FNIP1: variants seen among roughly 807,000 people sequenced by gnomAD.
FNIP1 encodes the protein folliculin interacting protein 1.
Under a neutral mutation model 124.5 loss-of-function variants are expected in FNIP1, and 40 were observed. The observed-to-expected ratio is 0.32, with a 90% CI of 0.25 to 0.42. The LOEUF is 0.42. Ranked by LOEUF, FNIP1 falls within the 10% of genes least tolerant of loss-of-function variation. FNIP1 has a pLI of 1.00. For missense variants in FNIP1, 1,176 were observed against 1,403.7 expected (o/e 0.84, Z 2.59); for synonymous variants, 472 against 470.6 (o/e 1.00, Z -0.04).
intron 3 of FNIP1, among the ~76,000 whole-genome samples, chr5:131,724,785 T>C (rs904910290): frequency 5.3e-5 from 8 of 151,124 alleles, no homozygotes; most frequent in Admixed American, 4.0e-4. Context: ...TATGCCTATG[T>C]CCTGAATGGT....
intron 4 of FNIP1, 59 bp downstream of exon 4, chr5:131,719,258 A>T (rs1769574838): frequency 1.7e-5 from 26 of 1,509,956 alleles, no homozygotes; most frequent in Non-Finnish European, 2.3e-5. Flanking sequence ...AATTCTCTCT[A>T]AAAAAACGAA....
intron 15 of FNIP1, among the ~76,000 whole-genome samples, chr5:131,652,563 G>C (rs138599132): frequency 6.6e-6 from 1 of 151,994 alleles, no homozygotes. Context: ...CCATGGTCTC[G>C]ATCTCCTAAC....
chr5:131,693,597 A>G (rs1170478289), intron 11 of FNIP1, among the ~76,000 whole-genome samples: 2 of 151,998 alleles, frequency 1.3e-5, no homozygotes, highest in Non-Finnish European at 2.9e-5. Context: ...GATCATAGTC[A>G]TAAGCATAAA....
chr5:131,652,808 T>TA (rs1767080105), intron 15 of FNIP1, among the ~76,000 whole-genome samples: 1 of 151,750 alleles, frequency 6.6e-6, no homozygotes, highest in Non-Finnish European at 1.5e-5. Context: ...CAAAAAAATC[T>TA]AAAAAATCAG....
Position 131,651,866 on chromosome 5 carries a change from C to T in FNIP1, c.3242G>A (p.Ser1081Asn). The T allele has an allele frequency of 6.2e-7, 1 of 1,614,144 alleles. No homozygotes were observed. Among genetic ancestry groups the T allele is most frequent in the Non-Finnish European group, 8.5e-7 (1 of 1,180,036 alleles). Residue 1081 changes from serine (S) to asparagine (N), a missense_variant, in exon 16 of 18, where the codon AGT becomes AAT. Transcript: ENST00000510461. Reference protein sequence around the residue: ...NKLGKEVLVSSLVSNLLHSTL... With the variant: ...NKLGKEVLVSNLVSNLLHSTL... Reference sequence around the variant, plus strand: ...GGAATGAAGCAGATTGGAAACAAGACTGGAAACCAATACTTCCTTTCCCAA... The same window carrying T: ...GGAATGAAGCAGATTGGAAACAAGATTGGAAACCAATACTTCCTTTCCCAA...
chr5:131,678,797 T>C (rs1314519616), intron 12 of FNIP1, among the ~76,000 whole-genome samples: 1 of 152,236 alleles, frequency 6.6e-6, no homozygotes, highest in Non-Finnish European at 1.5e-5. Flanking sequence ...CAGATAATTC[T>C]ACAATATGTC....
Position 131,796,985 on chromosome 5 carries a change from GC to G in FNIP1, c.-65del. On this transcript the variant is annotated 5_prime_UTR_variant, in exon 1 of 18. The change abolishes the stop of an existing upstream ORF in the 5' untranslated region. Coordinates refer to ENST00000510461, the MANE Select transcript of FNIP1 (RefSeq NM_133372.3). ...TTGCTAGGCCCCTGCTCCTACAGCC[GC>G]CCCGCCACCCCCATGGGCGCCTCAG... 7.0e-7 allele frequency: 1 copy of G among 1,424,806 alleles called. No individual in the cohort carries two copies. Among genetic ancestry groups the G allele is most frequent in the Non-Finnish European group, 9.6e-7 (1 of 1,043,168 alleles). The allele number at this position is 1,424,806 out of a possible 1,614,324, so 88.3% of individuals were successfully genotyped here.
intron 16 of FNIP1, among the ~76,000 whole-genome samples, chr5:131,647,532 A>G (rs1433999969): frequency 6.6e-6 from 1 of 151,760 alleles, no homozygotes; most frequent in African/African-American, 2.4e-5. Context: ...TGGAGTGCAA[A>G]GCGCGACCAC....
intron 1 of FNIP1, among the ~76,000 whole-genome samples, chr5:131,789,670 G>A (rs533108285): frequency 1.3e-5 from 2 of 151,964 alleles, no homozygotes; most frequent in Admixed American, 6.6e-5. Flanking sequence ...CTCATTTCAC[G>A]AGACCTGTCA....
intron 1 of FNIP1, among the ~76,000 whole-genome samples, chr5:131,758,693 C>A (rs1771128425): frequency 6.6e-6 from 1 of 152,088 alleles, no homozygotes; most frequent in African/African-American, 2.4e-5. Flanking sequence ...TTATCTGACA[C>A]CTTCAAAGAA....
chr5:131,764,618 G>GT (rs1371600325), intron 1 of FNIP1, among the ~76,000 whole-genome samples: 2 of 151,986 alleles, frequency 1.3e-5, no homozygotes, highest in Non-Finnish European at 1.5e-5. Flanking sequence ...CCTATTTAAT[G>GT]TTTTTTAAAA....
chr5:131,669,850 GCAACGATGTCCATGGT>G (rs900043642), intron 15 of FNIP1, among the ~76,000 whole-genome samples: 3 of 150,526 alleles, frequency 2.0e-5, no homozygotes, highest in Non-Finnish European at 4.4e-5. Flanking sequence ...CAGGAATAAG[GCAACGATGTCCATGGT>G]CACCACTTCC....
chr5:131,769,416 T>G (rs1174215861), intron 1 of FNIP1, among the ~76,000 whole-genome samples: 1 of 152,228 alleles, frequency 6.6e-6, no homozygotes, highest in African/African-American at 2.4e-5. Flanking sequence ...GTTAACACAC[T>G]TGAATATCAC....
chr5:131,726,930 T>G (rs575061414), intron 3 of FNIP1, among the ~76,000 whole-genome samples: 81 of 152,336 alleles, frequency 5.3e-4, no homozygotes, highest in Non-Finnish European at 8.8e-4. Context: ...CCGGAGCAGG[T>G]TGTTCAGTTT....
chr5:131,721,491 C>A (rs1769658062), intron 3 of FNIP1, among the ~76,000 whole-genome samples: 1 of 147,434 alleles, frequency 6.8e-6, no homozygotes, highest in Non-Finnish European at 1.5e-5. Flanking sequence ...GTTCTTCCCA[C>A]AATTTTTTTT....
chr5:131,790,515 G>C (rs1772375348), intron 1 of FNIP1, among the ~76,000 whole-genome samples: 1 of 138,612 alleles, frequency 7.2e-6, no homozygotes, highest in Admixed American at 7.3e-5. Context: ...CACCTACTTA[G>C]TTGCTCCAGC....
intron 11 of FNIP1, among the ~76,000 whole-genome samples, chr5:131,681,200 T>C (rs893168521): frequency 1.3e-5 from 2 of 152,138 alleles, no homozygotes; most frequent in Admixed American, 6.6e-5. Flanking sequence ...TAATCAGATA[T>C]AGAGTATATC....
chr5:131,760,218 C>T (rs181127815), intron 1 of FNIP1, among the ~76,000 whole-genome samples: 45 of 152,010 alleles, frequency 3.0e-4, no homozygotes, highest in African/African-American at 1.1e-3. Context: ...CATATGTACA[C>T]CCTGTATCTA....
At chr5:131,747,175 T>G (rs1408453853) in intron 1 of FNIP1, among the ~76,000 whole-genome samples, 1 of 152,188 alleles carries the variant, frequency 6.6e-6, no homozygotes, top group African/African-American at 2.4e-5. Context: ...TATATTAGAC[T>G]TTTGTCAAAT....
Sources: gnomAD v4.1 joint callset for allele counts (sites outside exome capture counted in the v4.1 genomes callset) on GRCh38, gnomAD v4.1.1 for gene constraint, MANE v1.5 for transcripts, NCBI Gene and HGNC (gene_info 2026-07-23, HGNC 2026-07-21) for gene names.